GALNTL6: variants seen among roughly 807,000 people sequenced by gnomAD.
GALNTL6 encodes polypeptide N-acetylgalactosaminyltransferase-like 6.
A neutral mutation model predicts 73.7 loss-of-function variants in GALNTL6; 46 were observed. The ratio of observed to expected loss-of-function variants is 0.62; its 90% CI spans 0.49 to 0.80. The LOEUF is 0.80. Among genes scored for constraint, GALNTL6 ranks in the 30% least tolerant of loss-of-function variants. The pLI is 0.00. For synonymous variants in GALNTL6, 259 were observed against 263.7 expected (o/e 0.98, Z 0.17); for missense variants, 604 against 755.0 (o/e 0.80, Z 2.34).
intron 5 of GALNTL6, among the ~76,000 whole-genome samples, chr4:172,633,352 A>G (rs958903157): frequency 6.6e-6 from 1 of 152,202 alleles, no homozygotes; most frequent in African/African-American, 2.4e-5. Context: ...TATGACCTGG[A>G]TGTAAGACAT....
intron 2 of GALNTL6, among the ~76,000 whole-genome samples, chr4:171,914,518 C>T (rs1328203890): frequency 2.7e-5 from 4 of 147,314 alleles, no homozygotes; most frequent in Non-Finnish European, 3.0e-5. Flanking sequence ...GCAACCTCCA[C>T]CTCATGGGTT....
intron 5 of GALNTL6, among the ~76,000 whole-genome samples, chr4:172,603,048 C>T (rs1738128223): frequency 6.6e-6 from 1 of 151,970 alleles, no homozygotes; most frequent in Admixed American, 6.6e-5. Context: ...GAAAGCATAC[C>T]AGTGGTTGTC....
Position 172,655,475 on chromosome 4 carries a change from C to T in GALNTL6, c.554-153886C>T, listed in dbSNP as rs927387646. 2.0e-5 allele frequency among the ~76,000 whole-genome samples: 3 copies of T among 152,232 alleles called. No individual in the cohort carries two copies. The South Asian group carries it at 6.2e-4, about 32-fold the overall frequency. ...CCTGATCCTTAAGCCCCACGTCCAT[C>T]GTTTGATTAGGCATTTTTATTATCT... is the stretch of plus-strand genomic sequence containing the variant. On this transcript the variant is annotated intron_variant, in intron 5 of 12. Transcript: ENST00000506823.
At chr4:172,845,484 G>A (rs1403297786) in intron 7 of GALNTL6, among the ~76,000 whole-genome samples, 2 of 152,106 alleles carry the variant, frequency 1.3e-5, no homozygotes, top group Non-Finnish European at 2.9e-5. Context: ...CTGCAATTCA[G>A]AGTTTGCAAG....
chr4:172,254,925 TGGAAGTTATTC>T (rs1738020079), intron 3 of GALNTL6, among the ~76,000 whole-genome samples: 1 of 151,702 alleles, frequency 6.6e-6, no homozygotes, highest in South Asian at 2.1e-4. Flanking sequence ...TGATCAGCTT[TGGAAGTTATTC>T]GGTCATTTAC....
In GALNTL6 at chr4:172,737,524, T is replaced by C. The variant is rs185252061; in HGVS notation, c.554-71837T>C. ...CTGATCAATTTCTAAATTGATTTTCTATATTATCTTGGAGATCACTGAGTT... is the reference window on the plus strand; with the variant it reads ...CTGATCAATTTCTAAATTGATTTTCCATATTATCTTGGAGATCACTGAGTT... On this transcript the variant is annotated intron_variant, in intron 5 of 12. Coordinates refer to ENST00000506823, the MANE Select transcript of GALNTL6 (RefSeq NM_001034845.3). Among the ~76,000 whole-genome samples, 388 of 152,324 alleles carry C rather than the reference T, an allele frequency of 2.5e-3. 1 individual carries two copies. The highest frequency in any genetic ancestry group is 3.4e-3 in the Non-Finnish European group (232 of 68,032).
intron 5 of GALNTL6, among the ~76,000 whole-genome samples, chr4:172,406,902 G>A (rs777712152): frequency 5.3e-5 from 8 of 151,790 alleles, no homozygotes; most frequent in Non-Finnish European, 1.2e-4. Context: ...AATAGCTTTC[G>A]TGTCTTTAAA....
chr4:172,228,544 T>C (rs1736945754), intron 2 of GALNTL6, among the ~76,000 whole-genome samples: 1 of 152,164 alleles, frequency 6.6e-6, no homozygotes, highest in African/African-American at 2.4e-5. Context: ...GGCTGTATTA[T>C]CTAAAACTAA....
intron 5 of GALNTL6, among the ~76,000 whole-genome samples, chr4:172,624,725 A>G (rs893997988): frequency 6.6e-6 from 1 of 151,976 alleles, no homozygotes; most frequent in Non-Finnish European, 1.5e-5. Context: ...ATTATTGACA[A>G]TGTTGGTCTG....
chr4:172,837,870 C>A (rs1288565323), intron 7 of GALNTL6, among the ~76,000 whole-genome samples: 1 of 152,168 alleles, frequency 6.6e-6, no homozygotes, highest in African/African-American at 2.4e-5. Context: ...TAATAAAAAG[C>A]AATGAGTATA....
intron 5 of GALNTL6, among the ~76,000 whole-genome samples, chr4:172,478,478 G>A (rs557156719): frequency 4.6e-5 from 7 of 152,106 alleles, no homozygotes; most frequent in African/African-American, 1.7e-4. Context: ...AATTAAACTG[G>A]ATCCATTTCT....
intron 5 of GALNTL6, among the ~76,000 whole-genome samples, chr4:172,446,826 C>G (rs1381465412): frequency 6.6e-6 from 1 of 152,152 alleles, no homozygotes; most frequent in Non-Finnish European, 1.5e-5. Context: ...AACCCCTAAA[C>G]TTTTTGAAGA....
intron 5 of GALNTL6, among the ~76,000 whole-genome samples, chr4:172,405,770 T>G (rs1744219024): frequency 6.6e-6 from 1 of 151,866 alleles, no homozygotes; most frequent in Non-Finnish European, 1.5e-5. Flanking sequence ...ATTGATTTTT[T>G]TTCATCACAA....
intron 2 of GALNTL6, among the ~76,000 whole-genome samples, chr4:172,194,493 C>T (rs1735688898): frequency 6.6e-6 from 1 of 152,048 alleles, no homozygotes; most frequent in Admixed American, 6.6e-5. Context: ...CCACAAGGCA[C>T]ATAAACTCCA....
At chr4:171,874,590 G>T (rs1252223172) in intron 2 of GALNTL6, among the ~76,000 whole-genome samples, 1 of 152,154 alleles carries the variant, frequency 6.6e-6, no homozygotes, top group African/African-American at 2.4e-5. Context: ...CATCAACCAT[G>T]GCTGGGAGAT....
At chr4:172,794,992 A>G (rs1329736955) in intron 5 of GALNTL6, among the ~76,000 whole-genome samples, 3 of 152,228 alleles carry the variant, frequency 2.0e-5, no homozygotes, top group African/African-American at 7.2e-5. Context: ...TCTCGAATGA[A>G]TGAAAAAGAG....
chr4:171,975,921 A>T (rs1350660686), intron 2 of GALNTL6, among the ~76,000 whole-genome samples: 1 of 132,506 alleles, frequency 7.5e-6, no homozygotes, highest in Non-Finnish European at 1.8e-5. Flanking sequence ...TGGAGTATAT[A>T]CAAGCGGCAT....
chr4:171,861,036 C>G (rs1399115064), intron 2 of GALNTL6, among the ~76,000 whole-genome samples: 1 of 152,124 alleles, frequency 6.6e-6, no homozygotes. Context: ...AGCCAAAGAC[C>G]CCATGAAGAT....
At chr4:171,853,610 T>G (rs1369818951) in intron 2 of GALNTL6, among the ~76,000 whole-genome samples, 1 of 112,446 alleles carries the variant, frequency 8.9e-6, no homozygotes, top group Non-Finnish European at 1.9e-5. Flanking sequence ...TTTTTTTTTT[T>G]TTTTTTTTTT....
Sources: gnomAD v4.1 joint callset for allele counts (sites outside exome capture counted in the v4.1 genomes callset) on GRCh38, gnomAD v4.1.1 for gene constraint, MANE v1.5 for transcripts, NCBI Gene and HGNC (gene_info 2026-07-23, HGNC 2026-07-21) for gene names.